Variants in ERBB2 observed in about 807,000 individuals in gnomAD.
ERBB2 encodes the protein receptor tyrosine-protein kinase erbB-2.
ERBB2 carries 61 observed loss-of-function variants against 149.0 expected under a neutral mutation model. The ratio of observed to expected loss-of-function variants is 0.41; its 90% confidence interval spans 0.33 to 0.51. ERBB2 has a LOEUF of 0.51. ERBB2 is among the 20% of genes least tolerant of loss of function. The pLI is 0.25. For synonymous variants in ERBB2, 633 were observed against 678.8 expected (o/e 0.93, Z 1.05); for missense variants, 1,205 against 1,655.1 (o/e 0.73, Z 4.72).
upstream of ERBB2, chr17:39,699,965 G>C (rs773869931): frequency 1.5e-5 from 19 of 1,243,734 alleles, no homozygotes; most frequent in Non-Finnish European, 1.8e-5. Context: ...TGGAGGGGGC[G>C]AGCTGGGAGC....
At chr17:39,722,073 C>T (rs1199163585) in intron 16 of ERBB2, among the ~76,000 whole-genome samples, 1 of 152,090 alleles carries the variant, frequency 6.6e-6, no homozygotes, top group Non-Finnish European at 1.5e-5. Context: ...CAGGCACCAC[C>T]ACACCCGGCT....
chr17:39,711,026 A>C (rs1007445983), intron 7 of ERBB2, among the ~76,000 whole-genome samples: 2 of 151,940 alleles, frequency 1.3e-5, no homozygotes, highest in African/African-American at 4.8e-5. Context: ...CAGCCTCCTG[A>C]GTAGCTGGGA....
rs1232383159 is a variant in ERBB2 at position 39,725,247 on chromosome 17, G to T, written c.2649+43G>T. Reference sequence around the variant, plus strand: ...GGAGCAGAGGAGGCTGGGTGGAGTGGTGTCTAGCCCATGGGAGAACTCTGA... The same window carrying T: ...GGAGCAGAGGAGGCTGGGTGGAGTGTTGTCTAGCCCATGGGAGAACTCTGA... On this transcript the variant is annotated intron_variant, in intron 21 of 26. Transcript: ENST00000269571. This position sits in a 1 kb window ranked among gnomAD's most constrained non-coding sequence, Gnocchi z 4.6. The T allele has an allele frequency of 6.2e-7, 1 of 1,613,596 alleles. No individual in the cohort carries two copies. Among genetic ancestry groups the T allele is most frequent in the African/African-American group, 1.3e-5 (1 of 74,900 alleles).
intron 19 of ERBB2, among the ~76,000 whole-genome samples, chr17:39,724,288 T>TTTTTTTTTTTTTTTTTTTTTTG (rs1567912499): frequency 2.8e-5 from 4 of 144,104 alleles, no homozygotes; most frequent in Admixed American, 6.9e-5. Flanking sequence ...TTTTTTTTTT[T>TTTTTTTTTTTTTTTTTTTTTTG]GAGACAGAGT....
chr17:39,688,987 C>G (rs886238820), intron 2 of ERBB2, among the ~76,000 whole-genome samples: 1 of 152,130 alleles, frequency 6.6e-6, no homozygotes, highest in African/African-American at 2.4e-5. Context: ...TATCCTCTCC[C>G]TGCTCACCTC....
chr17:39,694,260 T>TATATATATACACAC (rs1567888121), upstream of ERBB2, among the ~76,000 whole-genome samples: 4 of 23,498 alleles, frequency 1.7e-4, no homozygotes, highest in East Asian at 6.1e-4. Flanking sequence ...TATATATATA[T>TATATATATACACAC]ATATATATGT....
intron 12 of ERBB2, 26 bp downstream of exon 12, chr17:39,715,965 A>G (rs2145662299): frequency 6.3e-7 from 1 of 1,598,210 alleles, no homozygotes; most frequent in Non-Finnish European, 8.5e-7. Flanking sequence ...CAGTGTGCGC[A>G]CTCCCCATCT....
rs2143292032 is a variant in ERBB2 at position 39,727,745 on chromosome 17, C to T, written c.3469C>T (p.Leu1157=). The change falls in exon 27 of 27, where the codon CTG becomes TTG. Residue 1157 remains leucine (L), a synonymous_variant. Transcript: ENST00000269571. The surrounding 1 kb of genome is among the most constrained non-coding windows in gnomAD (Gnocchi z 4.3). Reference sequence around the variant, plus strand: ...GCCCCCTTCGCCCCGAGAGGGCCCTCTGCCTGCTGCCCGACCTGCTGGTGC... The same window carrying T: ...GCCCCCTTCGCCCCGAGAGGGCCCTTTGCCTGCTGCCCGACCTGCTGGTGC... ...PQPPSPREGP[L]PAARPAGATL... 1 of 1,595,484 alleles carries T rather than the reference C, an allele frequency of 6.3e-7. No homozygotes were observed.
chr17:39,720,830 AGTAGAGACGGG>A (rs1286604571), intron 16 of ERBB2, among the ~76,000 whole-genome samples: 1 of 152,026 alleles, frequency 6.6e-6, no homozygotes, highest in African/African-American at 2.4e-5. Context: ...TTGTATTTTT[AGTAGAGACGGG>A]GTTTCACCAT....
rs763698349 is a variant in ERBB2, at chr17:39,728,062, G to A, written c.*18G>A. 39 of 1,532,732 alleles carry A rather than the reference G, an allele frequency of 2.5e-5. No individual in the cohort carries two copies. Among genetic ancestry groups the A allele is most frequent in the Middle Eastern group, 1.7e-4 (1 of 5,832 alleles). 94.9% of individuals were successfully genotyped at this position (1,532,732 alleles called of 1,614,324 possible). On this transcript the variant is annotated 3_prime_UTR_variant, in exon 27 of 27. Coordinates refer to ENST00000269571, the MANE Select transcript of ERBB2 (RefSeq NM_004448.4). ...CAGTGTGAACCAGAAGGCCAAGTCCGCAGAAGCCCTGATGTGTCCTCAGGG... is the reference window on the plus strand; with the variant it reads ...CAGTGTGAACCAGAAGGCCAAGTCCACAGAAGCCCTGATGTGTCCTCAGGG...
At position 39,708,304 on chromosome 17, in the gene ERBB2, C is replaced by G. The variant is rs780571262; in HGVS notation, c.226-17C>G. On this transcript the variant is annotated splice_polypyrimidine_tract_variant and intron_variant, in intron 2 of 26. Coordinates refer to ENST00000269571, the MANE Select transcript of ERBB2 (RefSeq NM_004448.4). ...GCAGTGTTCCTATTTCAGCCCCACT[C>G]TGCTTCCCCCTCCCAGGATATCCAG... is the stretch of plus-strand genomic sequence containing the variant. 1 of 1,607,260 alleles carries G rather than the reference C, an allele frequency of 6.2e-7. No homozygotes were observed. Among genetic ancestry groups the G allele is most frequent in the South Asian group, 1.1e-5 (1 of 90,814 alleles).
Position 39,727,554 on chromosome 17 carries a change from A to G in ERBB2, c.3412+7A>G, listed in dbSNP as rs200529069. The G allele has an allele frequency of 8.8e-6, 14 of 1,596,886 alleles. No homozygotes were observed. The highest frequency in any genetic ancestry group is 1.1e-5 in the Non-Finnish European group (13 of 1,175,570). ...ACCTGCAGCCCCCAGCCTGGTATGGAGTCCAGTCTAAGCAGAGAGACTGAT... is the reference window on the plus strand; with the variant it reads ...ACCTGCAGCCCCCAGCCTGGTATGGGGTCCAGTCTAAGCAGAGAGACTGAT... On this transcript the variant is annotated splice_region_variant and intron_variant, in intron 26 of 26. Transcript: ENST00000269571. The surrounding 1 kb of genome is among the most constrained non-coding windows in gnomAD (Gnocchi z 4.3).
intron 4 of ERBB2, 107 bp downstream of exon 4, chr17:39,709,559 C>T (rs2058671849): frequency 4.5e-6 from 6 of 1,338,190 alleles, no homozygotes; most frequent in East Asian, 2.4e-5. Context: ...CAGCCGCCTA[C>T]ACCACCCATT....
rs374874408 is a variant in ERBB2 at position 39,725,031 on chromosome 17, G to A, written c.2494-18G>A. On this transcript the variant is annotated intron_variant, in intron 20 of 26. Transcript: ENST00000269571. The surrounding 1 kb of genome is among the most constrained non-coding windows in gnomAD (Gnocchi z 4.6). ...CCAGGCCCTCCCAGAAGGTCTACAT[G>A]GGTGCTTCCCATTCCAGGGGATGAG... The A allele has an allele frequency of 3.1e-6, 5 of 1,614,040 alleles. No individual in the cohort carries two copies. The highest frequency in any genetic ancestry group is 4.2e-6 in the Non-Finnish European group (5 of 1,179,976).
chr17:39,722,808 C>G (rs912893623), intron 16 of ERBB2, among the ~76,000 whole-genome samples: 2 of 152,000 alleles, frequency 1.3e-5, no homozygotes, highest in African/African-American at 4.8e-5. Context: ...CTCTTGTCTC[C>G]CGGGTTCAAG....
Position 39,700,138 on chromosome 17 carries a change from T to A in ERBB2, c.-101T>A. The A allele has an allele frequency of 7.6e-7, 1 of 1,313,686 alleles. No individual in the cohort carries two copies. The highest frequency in any genetic ancestry group is 9.6e-7 in the Non-Finnish European group (1 of 1,038,134). The allele number at this position is 1,313,686 out of a possible 1,614,324, so 81.4% of individuals were successfully genotyped here. A position where few individuals can be genotyped will look rare whatever the true frequency, so the allele number is the denominator to read the frequency against. On this transcript the variant is annotated 5_prime_UTR_variant, in exon 1 of 27. Transcript: ENST00000269571. ...CGCCCCTTCCCACGGGGCCCTTTAC[T>A]GCGCCGCGCGCCCGGCCCCCACCCC... is the stretch of plus-strand genomic sequence containing the variant.
At chr17:39,698,701 G>A (rs2057933648), upstream of ERBB2, among the ~76,000 whole-genome samples, 1 of 152,166 alleles carries the variant, frequency 6.6e-6, no homozygotes, top group Non-Finnish European at 1.5e-5. Context: ...AAATGCAAGT[G>A]TATACCTGTA....
chr17:39,695,737 A>ACG (rs1022572088), upstream of ERBB2, among the ~76,000 whole-genome samples: 1 of 150,918 alleles, frequency 6.6e-6, no homozygotes, highest in Non-Finnish European at 1.5e-5. Context: ...ACACACACAC[A>ACG]CACACACACA....
intron 16 of ERBB2, 115 bp downstream of exon 16, chr17:39,719,949 T>C (rs1284316663): frequency 3.2e-6 from 3 of 951,432 alleles, no homozygotes; most frequent in East Asian, 2.4e-5. Flanking sequence ...CCACCCACTC[T>C]TCCACTGTGG....
Sources: gnomAD v4.1 joint callset for allele counts (sites outside exome capture counted in the v4.1 genomes callset) on GRCh38, gnomAD v4.1.1 for gene constraint, Gnocchi (gnomAD v3.1) non-coding constraint, MANE v1.5 for transcripts, NCBI Gene and HGNC (gene_info 2026-07-23, HGNC 2026-07-21) for gene names.